LRFN1: variants seen among roughly 807,000 people sequenced by gnomAD.
The protein encoded by LRFN1 is leucine rich repeat and fibronectin type III domain containing 1, also known as leucine-rich repeat and fibronectin type III domain-containing protein 1.
LRFN1 carries 20 observed loss-of-function variants against 31.8 expected under a neutral mutation model. That is an observed-to-expected ratio of 0.63 (90% CI 0.44 to 0.91). LRFN1 has a LOEUF of 0.91. Ranked by LOEUF, LRFN1 falls within the 40% of genes least tolerant of loss-of-function variation. The probability of loss-of-function intolerance (pLI) is 0.00; values close to 1 mark genes in which losing one functional copy is unlikely to be tolerated. For missense variants in LRFN1, 912 were observed against 1,129.8 expected (o/e 0.81, Z 2.76); for synonymous variants, 514 against 541.3 (o/e 0.95, Z 0.70).
rs1043982021 is a variant in LRFN1, at chr19:39,315,780, T to C, written c.-38+302A>G. Among the ~76,000 whole-genome samples, 1 of 152,100 alleles carries C rather than the reference T, an allele frequency of 6.6e-6. No individual in the cohort carries two copies. The highest frequency in any genetic ancestry group is 2.4e-5 in the African/African-American group (1 of 41,422). On this transcript the variant is annotated intron_variant, in intron 3 of 4. Coordinates refer to ENST00000248668, the MANE Select transcript of LRFN1 (RefSeq NM_020862.2). This position sits in a 1 kb window ranked among gnomAD's most constrained non-coding sequence, Gnocchi z 4.7. ...GTTGCAGTGAGCCGAGATCACACCATTGCAATCCAGTCTGGGCGACAGAGC... is the reference window on the plus strand; with the variant it reads ...GTTGCAGTGAGCCGAGATCACACCACTGCAATCCAGTCTGGGCGACAGAGC...
chr19:39,309,498 A>AAAAAAAC (rs2075143546), intron 4 of LRFN1, among the ~76,000 whole-genome samples: 1 of 146,412 alleles, frequency 6.8e-6, no homozygotes, highest in African/African-American at 2.5e-5. Context: ...AAAAAAAAAA[A>AAAAAAAC]AAAAAAAAAC....
Position 39,315,205 on chromosome 19 carries a change from C to A in LRFN1, c.132G>T (p.Ala44=). The A allele has an allele frequency of 8.9e-6, 14 of 1,579,924 alleles. No individual in the cohort carries two copies. Among genetic ancestry groups the A allele is most frequent in the Non-Finnish European group, 1.2e-5 (14 of 1,169,872 alleles). Residue 44 remains alanine, a synonymous_variant, in exon 4 of 5, where the codon GCG becomes GCT. Transcript: ENST00000248668. The surrounding 1 kb of genome is among the most constrained non-coding windows in gnomAD (Gnocchi z 4.7). ...TGGCGCACAGCATTGTCAGTGTGGG[C>A]GCCACGTTCTGGCAGATGCAGCGGC... ...CPGRCICQNV[A]PTLTMLCAKT... is the part of the protein sequence containing the mutation.
At chr19:39,311,288 G>A (rs2075149716) in intron 4 of LRFN1, among the ~76,000 whole-genome samples, 2 of 152,164 alleles carry the variant, frequency 1.3e-5, no homozygotes, top group African/African-American at 4.8e-5. Flanking sequence ...TGGAGAACTG[G>A]AACTGGGGCC....
In LRFN1 at chr19:39,308,256, C is replaced by T; in HGVS notation, c.1693G>A (p.Gly565Arg). ...GAGCCCTTGACGCGGCGGCTGTCCC[C>T]GTCGCCATACACCTTATAGCGGATC... is the stretch of plus-strand genomic sequence containing the variant. ...LMIRYKVYGDGDSRRVKGSRS... is the reference protein window; with the variant it reads ...LMIRYKVYGDRDSRRVKGSRS... Residue 565 changes from glycine (G) to arginine (R), a missense_variant, in exon 5 of 5, where the codon GGG becomes AGG. By Grantham distance (125) the Gly-to-Arg change is moderately radical. Transcript: ENST00000248668. This position sits in a 1 kb window ranked among gnomAD's most constrained non-coding sequence, Gnocchi z 6.2. 6.2e-7 allele frequency: 1 copy of T among 1,612,810 alleles called. No homozygotes were observed. The highest frequency in any genetic ancestry group is 8.5e-7 in the Non-Finnish European group (1 of 1,179,476).
intron 1 of LRFN1, among the ~76,000 whole-genome samples, chr19:39,320,292 C>A (rs2145041256): frequency 6.7e-6 from 1 of 149,222 alleles, no homozygotes; most frequent in South Asian, 2.1e-4. Context: ...CCCTCGGAGA[C>A]ATACAACCCG....
At position 39,314,848 on chromosome 19, in the gene LRFN1, G is replaced by A. The variant is rs1291786896; in HGVS notation, c.489C>T (p.Thr163=). The change falls in exon 4 of 5, where the codon ACC becomes ACT. Residue 163 remains threonine (T), a synonymous_variant. Coordinates refer to ENST00000248668, the MANE Select transcript of LRFN1 (RefSeq NM_020862.2). ...ESAAFDAFLS[T]VEDLDLSYNN... is the part of the protein sequence containing the mutation. ...TGTAGGACAGATCCAGGTCCTCCAC[G>A]GTGGACAGGAAGGCGTCAAAGGCCG... 3 of 1,611,748 alleles carry A rather than the reference G, an allele frequency of 1.9e-6. No individual in the cohort carries two copies. Among genetic ancestry groups the A allele is most frequent in the Non-Finnish European group, 2.5e-6 (3 of 1,179,068 alleles).
chr19:39,315,629 G>GCCAA lies in LRFN1; in HGVS notation c.-37-260_-37-257dup, dbSNP rs2075169838. ...AGGTCAGGAGTTCAAGACCAGCCTG[G>GCCAA]CCAACATGGTGAAACCCCGTCTCTA... On this transcript the variant is annotated intron_variant, in intron 3 of 4. Transcript: ENST00000248668. This position sits in a 1 kb window ranked among gnomAD's most constrained non-coding sequence, Gnocchi z 4.7. Among the ~76,000 whole-genome samples, 1 of 152,066 alleles carries GCCAA rather than the reference G, an allele frequency of 6.6e-6. No individual in the cohort carries two copies. The highest frequency in any genetic ancestry group is 2.1e-4 in the South Asian group (1 of 4,826).
At chr19:39,318,714 A>G (rs2075179263) in intron 1 of LRFN1, among the ~76,000 whole-genome samples, 1 of 152,202 alleles carries the variant, frequency 6.6e-6, no homozygotes, top group Non-Finnish European at 1.5e-5. Context: ...CCTCAACTCC[A>G]AAGTCCTGAA....
In LRFN1 at chr19:39,314,134, C is replaced by A; in HGVS notation, c.1203G>T (p.Pro401=). The A allele has an allele frequency of 6.2e-7, 1 of 1,611,680 alleles. No homozygotes were observed. The highest frequency in any genetic ancestry group is 8.5e-7 in the Non-Finnish European group (1 of 1,179,188). The change falls in exon 4 of 5, where the codon CCG becomes CCT. Residue 401 remains proline (P), a synonymous_variant. Transcript: ENST00000248668. ...CAGAGGAGCCGGGCTCGGTGAGAGG[C>A]GGCGGGGCAGCCGGCGGGGGTGCCA... ...PLMAPPPAAP[P]PLTEPGSSDI... is the part of the protein sequence containing the mutation.
At chr19:39,310,036 C>A (rs1215776933) in intron 4 of LRFN1, among the ~76,000 whole-genome samples, 1 of 152,230 alleles carries the variant, frequency 6.6e-6, no homozygotes, top group African/African-American at 2.4e-5. Flanking sequence ...CGGCTCACTG[C>A]AATCTCTGCC....
rs139748268 is a variant in LRFN1, at chr19:39,316,697, AAC to A, written c.-92-563_-92-562del. On this transcript the variant is annotated intron_variant, in intron 2 of 4. Coordinates refer to ENST00000248668, the MANE Select transcript of LRFN1 (RefSeq NM_020862.2). ...CATGCTCACATCTTTGGGTACACAC[AAC>A]ACACACACACACACTCACACACTCA... Among the ~76,000 whole-genome samples, 234 of 151,252 alleles carry A rather than the reference AAC, an allele frequency of 1.5e-3. 1 individual carries two copies. The highest frequency in any genetic ancestry group is 4.6e-3 in the African/African-American group (190 of 41,298).
rs375598950 is a variant in LRFN1, at chr19:39,308,270, T to G, written c.1679A>C (p.Lys560Thr). Reference protein sequence around the residue: ...VFIVLLMIRYKVYGDGDSRRV... With the variant: ...VFIVLLMIRYTVYGDGDSRRV... ...GCGGCTGTCCCCGTCGCCATACACC[T>G]TATAGCGGATCATGAGCAGAACGAT... Residue 560 changes from lysine (K) to threonine (T), a missense_variant, in exon 5 of 5, where the codon AAG becomes ACG. By Grantham distance (78) the Lys-to-Thr change is moderately conservative. This residue lies in a region of LRFN1 where 511 missense variants were observed against 557.0 expected (regional missense o/e 0.92). Coordinates refer to ENST00000248668, the MANE Select transcript of LRFN1 (RefSeq NM_020862.2). The surrounding 1 kb of genome is among the most constrained non-coding windows in gnomAD (Gnocchi z 6.2). 2.5e-6 allele frequency: 4 copies of G among 1,613,198 alleles called. No individual in the cohort carries two copies. Among genetic ancestry groups the G allele is most frequent in the Non-Finnish European group, 3.4e-6 (4 of 1,179,636 alleles).
chr19:39,307,563 C>G lies in LRFN1; in HGVS notation c.*70G>C. ...TCTTGGCGCTGCGCTTTCTCCCAGTCCCGCCCCAGCGTCCGTGCGGCTGGG... is the reference window on the plus strand; with the variant it reads ...TCTTGGCGCTGCGCTTTCTCCCAGTGCCGCCCCAGCGTCCGTGCGGCTGGG... On this transcript the variant is annotated 3_prime_UTR_variant, in exon 5 of 5. Coordinates refer to ENST00000248668, the MANE Select transcript of LRFN1 (RefSeq NM_020862.2). This position sits in a 1 kb window ranked among gnomAD's most constrained non-coding sequence, Gnocchi z 6.7. 3.0e-6 allele frequency: 4 copies of G among 1,336,448 alleles called. No individual in the cohort carries two copies. The highest frequency in any genetic ancestry group is 3.8e-6 in the Non-Finnish European group (4 of 1,045,176). The allele number at this position is 1,336,448 out of a possible 1,614,324, so 82.8% of individuals were successfully genotyped here.
At chr19:39,320,408 A>AAC (rs1241974066) in intron 1 of LRFN1, among the ~76,000 whole-genome samples, 1 of 151,020 alleles carries the variant, frequency 6.6e-6, no homozygotes, top group East Asian at 2.0e-4. Context: ...CCCGGACACA[A>AAC]ACACCCAGAG....
At position 39,315,009 on chromosome 19, in the gene LRFN1, C is replaced by T. The variant is rs779995068; in HGVS notation, c.328G>A (p.Ala110Thr). The change falls in exon 4 of 5, where the codon GCC becomes ACC. Residue 110 changes from alanine (A) to threonine (T), a missense_variant. By Grantham distance (58) the Ala-to-Thr change is moderately conservative (BLOSUM62 0). Coordinates refer to ENST00000248668, the MANE Select transcript of LRFN1 (RefSeq NM_020862.2). The surrounding 1 kb of genome is among the most constrained non-coding windows in gnomAD (Gnocchi z 4.7). ...TIGQVAAGAF[A>T]DLRALRALHL... Reference sequence around the variant, plus strand: ...AGGGCCCGGAGGGCACGCAGGTCGGCGAAGGCGCCAGCTGCCACCTGGCCG... The same window carrying T: ...AGGGCCCGGAGGGCACGCAGGTCGGTGAAGGCGCCAGCTGCCACCTGGCCG... 4.3e-5 allele frequency: 68 copies of T among 1,592,494 alleles called. No homozygotes were observed. Among genetic ancestry groups the T allele is most frequent in the African/African-American group, 5.3e-5 (4 of 74,790 alleles).
At position 39,314,509 on chromosome 19, in the gene LRFN1, G is replaced by GGCGCAGGTCTCTAAGTCGTCC; in HGVS notation, c.807_827dup (p.Asp270_Ala276dup). On this transcript the variant is annotated inframe_insertion, in exon 4 of 5. Transcript: ENST00000248668. ...AGCGGTCGGTGAGGTGTTCGGGCGTGGCGCAGGTCTCTAAGTCGTCCTCGC... is the reference window on the plus strand; with the variant it reads ...AGCGGTCGGTGAGGTGTTCGGGCGTGGCGCAGGTCTCTAAGTCGTCCGCGCAGGTCTCTAAGTCGTCCTCGC... The GGCGCAGGTCTCTAAGTCGTCC allele has an allele frequency of 6.2e-7, 1 of 1,610,410 alleles. No homozygotes were observed. The highest frequency in any genetic ancestry group is 8.5e-7 in the Non-Finnish European group (1 of 1,179,054).
chr19:39,312,549 T>G (rs2075154275), intron 4 of LRFN1, among the ~76,000 whole-genome samples: 1 of 151,972 alleles, frequency 6.6e-6, no homozygotes, highest in Non-Finnish European at 1.5e-5. Flanking sequence ...ACACCTGTAA[T>G]CCCAGCACTT....
intron 1 of LRFN1, 57 bp downstream of exon 1, chr19:39,320,736 C>G (rs2075186060): frequency 6.7e-6 from 1 of 148,820 alleles, no homozygotes; most frequent in Non-Finnish European, 1.5e-5. Flanking sequence ...CGCTCACACC[C>G]GCGCACACAC....
In LRFN1 at chr19:39,307,207, G is replaced by C. The variant is rs935326859; in HGVS notation, c.*426C>G. 7.6e-6 allele frequency: 3 copies of C among 397,342 alleles called. No homozygotes were observed. The highest frequency in any genetic ancestry group is 1.3e-5 in the Non-Finnish European group (3 of 225,742). The allele number at this position is 397,342 out of a possible 1,614,324, so 24.6% of individuals were successfully genotyped here. On this transcript the variant is annotated 3_prime_UTR_variant, in exon 5 of 5. Transcript: ENST00000248668. The surrounding 1 kb of genome is among the most constrained non-coding windows in gnomAD (Gnocchi z 6.7). ...AGGCTTTGGAGGCCGCCGCGGGACAGAATAGGATCTAGTCCAGCCAGATAC... is the reference window on the plus strand; with the variant it reads ...AGGCTTTGGAGGCCGCCGCGGGACACAATAGGATCTAGTCCAGCCAGATAC...
Sources: gnomAD v4.1 joint callset for allele counts (sites outside exome capture counted in the v4.1 genomes callset) on GRCh38, gnomAD v4.1.1 for gene constraint, gnomAD v4.1.1 regional missense constraint, Gnocchi (gnomAD v3.1) non-coding constraint, MANE v1.5 for transcripts, NCBI Gene and HGNC (gene_info 2026-07-23, HGNC 2026-07-21) for gene names.